Variants in NBDY observed in about 807,000 individuals in gnomAD.
NBDY encodes negative regulator of P-body association, also known as P-body dissociating protein.
intron 2 of NBDY, among the ~76,000 whole-genome samples, chrX:56,795,425 G>A (rs1463673175): frequency 5.3e-5 from 6 of 112,332 alleles, no homozygotes; most frequent in Admixed American, 9.4e-5. Flanking sequence ...AGCCATGACC[G>A]TGTTGCTCTA....
At chrX:56,764,432 G>A (rs1453252220) in intron 2 of NBDY, among the ~76,000 whole-genome samples, 1 of 111,351 alleles carries the variant, frequency 9.0e-6, no homozygotes, top group Non-Finnish European at 1.9e-5. Context: ...GGCCTCTAGA[G>A]TAGTTGCTTC....
intron 2 of NBDY, among the ~76,000 whole-genome samples, chrX:56,752,059 A>T (rs1357349334): frequency 8.9e-6 from 1 of 112,392 alleles, no homozygotes; most frequent in Non-Finnish European, 1.9e-5. Context: ...GCTGCATAGT[A>T]TTCCATGGTG....
chrX:56,747,764 G>A (rs1049218835), intron 2 of NBDY, among the ~76,000 whole-genome samples: 3 of 111,635 alleles, frequency 2.7e-5, no homozygotes, highest in Admixed American at 9.5e-5. Context: ...TGAAAATCCC[G>A]ACAAAAAGTG....
chrX:56,729,314 G>C lies in NBDY; in HGVS notation c.-40G>C, dbSNP rs1009601055. 3.1e-5 allele frequency: 9 copies of C among 294,076 alleles called. No homozygotes were observed. Among genetic ancestry groups the C allele is most frequent in the African/African-American group, 2.5e-4 (9 of 35,863 alleles). 24.2% of individuals were successfully genotyped at this position (294,076 alleles called of 1,213,427 possible). On this transcript the variant is annotated 5_prime_UTR_variant, in exon 1 of 3. Transcript: ENST00000374922. ...TCTCAGGTCTCTTGGCTTTGCCAGGGCCCACCGGAGAAAACTGACGACCCG... is the reference window on the plus strand; with the variant it reads ...TCTCAGGTCTCTTGGCTTTGCCAGGCCCCACCGGAGAAAACTGACGACCCG...
chrX:56,789,308 G>C (rs5913997), intron 2 of NBDY, among the ~76,000 whole-genome samples: 62,024 of 110,191 alleles, frequency 0.56, 15,472 homozygotes, highest in Non-Finnish European at 0.77. Flanking sequence ...AACCAGAGGA[G>C]TCTGTTCTCA....
chrX:56,730,363 T>C (rs1220304441), intron 1 of NBDY, among the ~76,000 whole-genome samples: 2 of 105,843 alleles, frequency 1.9e-5, no homozygotes, highest in Non-Finnish European at 3.9e-5. Context: ...TTACAAAAAT[T>C]AGCCAGGCGT....
At chrX:56,811,814 C>A (rs1003612460) in intron 2 of NBDY, among the ~76,000 whole-genome samples, 2 of 111,617 alleles carry the variant, frequency 1.8e-5, no homozygotes, top group African/African-American at 6.5e-5. Context: ...GAAAAAAAAA[C>A]AACTTTTGTG....
chrX:56,741,274 C>A (rs1327240454), intron 2 of NBDY, among the ~76,000 whole-genome samples: 2 of 111,892 alleles, frequency 1.8e-5, no homozygotes, highest in Admixed American at 9.5e-5. Context: ...TAAATCTTAG[C>A]TGTTGTAAGC....
At chrX:56,785,098 C>G (rs1366947799) in intron 2 of NBDY, among the ~76,000 whole-genome samples, 2 of 111,440 alleles carry the variant, frequency 1.8e-5, no homozygotes, top group East Asian at 5.7e-4. Flanking sequence ...ACCACTCTCA[C>G]AAGAGGAACA....
At chrX:56,753,389 G>T (rs1047099130) in intron 2 of NBDY, among the ~76,000 whole-genome samples, 1 of 112,204 alleles carries the variant, frequency 8.9e-6, no homozygotes, top group African/African-American at 3.2e-5. Flanking sequence ...TTAGTTTTCA[G>T]TCATGTGAAT....
chrX:56,765,375 A>G (rs1331862393), intron 2 of NBDY, among the ~76,000 whole-genome samples: 1 of 112,121 alleles, frequency 8.9e-6, no homozygotes, highest in East Asian at 2.8e-4. Flanking sequence ...AGCCCCTTGC[A>G]GTCAGCTGAT....
intron 2 of NBDY, among the ~76,000 whole-genome samples, chrX:56,754,010 G>A (rs1361725407): frequency 9.0e-6 from 1 of 110,765 alleles, no homozygotes; most frequent in African/African-American, 3.3e-5. Flanking sequence ...AATAGGAGGG[G>A]AACAAGGTTA....
At chrX:56,793,034 G>A (rs1283123068) in intron 2 of NBDY, among the ~76,000 whole-genome samples, 1 of 111,530 alleles carries the variant, frequency 9.0e-6, no homozygotes, top group South Asian at 3.8e-4. Context: ...CTCCCACCCC[G>A]CCTGTGTAAA....
At chrX:56,797,717 G>A (rs1330641882) in intron 2 of NBDY, among the ~76,000 whole-genome samples, 2 of 110,713 alleles carry the variant, frequency 1.8e-5, no homozygotes, top group Non-Finnish European at 3.8e-5. Context: ...TGAACAAAAC[G>A]ATACGGATTT....
At chrX:56,784,429 G>A (rs2069715230) in intron 2 of NBDY, among the ~76,000 whole-genome samples, 1 of 111,590 alleles carries the variant, frequency 9.0e-6, no homozygotes, top group African/African-American at 3.3e-5. Flanking sequence ...GGTGGGAGGG[G>A]TATTCCAGGT....
intron 2 of NBDY, among the ~76,000 whole-genome samples, chrX:56,765,951 C>T (rs2069663502): frequency 9.0e-6 from 1 of 111,216 alleles, no homozygotes; most frequent in South Asian, 3.9e-4. Context: ...GTGGGATGTC[C>T]CTCTGCAGAA....
chrX:56,809,100 T>G (rs1347889806), intron 2 of NBDY, among the ~76,000 whole-genome samples: 2 of 112,749 alleles, frequency 1.8e-5, no homozygotes, highest in Non-Finnish European at 3.7e-5. Context: ...GAGTTGTAAT[T>G]TGATTGCACT....
At chrX:56,807,402 G>C (rs1167477191) in intron 2 of NBDY, among the ~76,000 whole-genome samples, 1 of 111,427 alleles carries the variant, frequency 9.0e-6, no homozygotes, top group Non-Finnish European at 1.9e-5. Flanking sequence ...AAATTACCCT[G>C]GGCAGTATGG....
intron 2 of NBDY, among the ~76,000 whole-genome samples, chrX:56,766,601 G>A (rs1029261310): frequency 2.7e-5 from 3 of 112,007 alleles, no homozygotes; most frequent in Non-Finnish European, 5.6e-5. Context: ...ACAGGGGTTC[G>A]AAATATGCAA....
Sources: gnomAD v4.1 joint callset for allele counts (sites outside exome capture counted in the v4.1 genomes callset) on GRCh38, gnomAD v4.1.1 for gene constraint, MANE v1.5 for transcripts, NCBI Gene and HGNC (gene_info 2026-07-23, HGNC 2026-07-21) for gene names.